The following FMN2 variants were observed in gnomAD, a reference collection of about 807,000 sequenced individuals.
The protein encoded by FMN2 is formin-2.
A neutral mutation model predicts 142.3 loss-of-function variants in FMN2; 51 were observed. That is an observed-to-expected ratio of 0.36 (90% CI 0.29 to 0.45). The LOEUF is 0.45. Ranked by LOEUF, FMN2 falls within the 20% of genes least tolerant of loss-of-function variation. The probability of loss-of-function intolerance (pLI) is 1.00; values close to 1 mark genes in which losing one functional copy is unlikely to be tolerated. For synonymous variants in FMN2, 882 were observed against 869.8 expected, an observed-to-expected ratio of 1.01 and a Z score of -0.25; for missense variants, 1,936 against 2,122.8, an observed-to-expected ratio of 0.91 and a Z score of 1.73.
chr1:240,092,759 T>A lies in FMN2; in HGVS notation c.650T>A (p.Leu217His), dbSNP rs1558289623. ...QQQQQQLQLQ[L>H]QQQQQQQQLQ... ...CAGCAGCAGCAGCTCCAGCTCCAGC[T>A]CCAGCAACAGCAGCAGCAGCAGCAG... Residue 217 changes from leucine (L) to histidine (H), a missense_variant, in exon 1 of 18, where the codon CTC (leucine) becomes CAC (histidine). Leu to His is a moderately conservative substitution (Grantham distance 99). This residue lies in a region of FMN2 where 751 missense variants were observed against 791.8 expected (regional missense o/e 0.95). Transcript: ENST00000319653. 4.3e-6 allele frequency: 7 copies of A among 1,611,412 alleles called. No individual in the cohort carries two copies. The highest frequency in any genetic ancestry group is 4.2e-6 in the Non-Finnish European group (5 of 1,179,178).
chr1:240,110,058 A>C (rs1388081634), intron 1 of FMN2, among the ~76,000 whole-genome samples: 1 of 151,632 alleles, frequency 6.6e-6, no homozygotes, highest in Non-Finnish European at 1.5e-5. Flanking sequence ...CTGCTTTTAA[A>C]ATGTTCCTTC....
chr1:240,291,240 A>G (rs1413505134), intron 7 of FMN2, among the ~76,000 whole-genome samples: 1 of 152,322 alleles, frequency 6.6e-6, no homozygotes, highest in Admixed American at 6.5e-5. Context: ...TGTGCAAAAA[A>G]GGTCTATAGT....
intron 17 of FMN2, 124 bp downstream of exon 17, chr1:240,472,577 G>A: frequency 1.7e-6 from 1 of 591,052 alleles, no homozygotes; most frequent in Non-Finnish European, 2.8e-6. Flanking sequence ...AGGAGCTTCT[G>A]ACTTCAAGAA....
chr1:240,225,276 G>GA (rs1179305346), intron 6 of FMN2, among the ~76,000 whole-genome samples: 1 of 152,162 alleles, frequency 6.6e-6, no homozygotes, highest in East Asian at 1.9e-4. Flanking sequence ...GAACATGGTA[G>GA]AAAAAATTGG....
At chr1:240,407,352 T>A (rs1279788597) in intron 15 of FMN2, among the ~76,000 whole-genome samples, 2 of 152,120 alleles carry the variant, frequency 1.3e-5, no homozygotes, top group Non-Finnish European at 2.9e-5. Flanking sequence ...TTGGCCAGGC[T>A]GTTCTCGAAC....
chr1:240,291,823 A>C (rs911659392), intron 7 of FMN2, among the ~76,000 whole-genome samples: 5 of 152,188 alleles, frequency 3.3e-5, no homozygotes, highest in Non-Finnish European at 7.3e-5. Context: ...GCTTCATAGC[A>C]AGGCTCACTT....
intron 6 of FMN2, among the ~76,000 whole-genome samples, chr1:240,225,914 A>G (rs1217720049): frequency 6.6e-6 from 1 of 152,200 alleles, no homozygotes; most frequent in Non-Finnish European, 1.5e-5. Context: ...ATGGGAAAAA[A>G]TTACTAGATG....
intron 15 of FMN2, among the ~76,000 whole-genome samples, chr1:240,415,061 G>A (rs975012303): frequency 2.0e-5 from 3 of 152,104 alleles, no homozygotes; most frequent in Admixed American, 6.6e-5. Context: ...TGACCACAAA[G>A]CATCCTATTC....
chr1:240,337,725 T>C (rs916330105), intron 13 of FMN2, among the ~76,000 whole-genome samples: 7 of 152,244 alleles, frequency 4.6e-5, no homozygotes, highest in African/African-American at 1.7e-4. Flanking sequence ...CACTTCTGTT[T>C]CTGCTTAGAG....
At position 240,148,180 on chromosome 1, in the gene FMN2, AGACAGAGACAGG is replaced by A. The variant is rs780637109; in HGVS notation, c.1782+24847_1782+24858del. On this transcript the variant is annotated intron_variant, in intron 2 of 17. Coordinates refer to ENST00000319653, the MANE Select transcript of FMN2 (RefSeq NM_020066.5). ...GAGAGACGGAGAGACACACGGAGAG[AGACAGAGACAGG>A]GACAGAGACAGAGAGAGAGAGACAG... Among the ~76,000 whole-genome samples the A allele has an allele frequency of 3.7e-3, 559 of 152,270 alleles. 1 individual carries two copies. Among genetic ancestry groups the A allele is most frequent in the Non-Finnish European group, 6.2e-3 (420 of 68,024 alleles).
At chr1:240,354,756 A>C (rs897787319) in intron 13 of FMN2, among the ~76,000 whole-genome samples, 1 of 152,220 alleles carries the variant, frequency 6.6e-6, no homozygotes, top group African/African-American at 2.4e-5. Context: ...TTATAAAAGA[A>C]AGAAAATATA....
At chr1:240,267,013 A>G (rs1362998377) in intron 7 of FMN2, among the ~76,000 whole-genome samples, 2 of 152,120 alleles carry the variant, frequency 1.3e-5, no homozygotes, top group Non-Finnish European at 2.9e-5. Flanking sequence ...AACCTAGGAA[A>G]TACCATTCGG....
At chr1:240,365,570 T>A (rs1017445170) in intron 14 of FMN2, among the ~76,000 whole-genome samples, 2 of 152,184 alleles carry the variant, frequency 1.3e-5, no homozygotes, top group Admixed American at 6.5e-5. Context: ...CATACACTAT[T>A]TATGTGAGAC....
chr1:240,095,386 T>TACACAC (rs59692947), intron 1 of FMN2, among the ~76,000 whole-genome samples: 56,924 of 149,602 alleles, frequency 0.38, 11,445 homozygotes, highest in Middle Eastern at 0.47. Flanking sequence ...TATATGTGCA[T>TACACAC]ACACACACAC....
intron 1 of FMN2, among the ~76,000 whole-genome samples, chr1:240,111,720 T>C (rs1045948222): frequency 3.9e-5 from 6 of 152,276 alleles, no homozygotes; most frequent in South Asian, 2.1e-4. Context: ...TAAGAATTTC[T>C]TAACCTCCTG....
chr1:240,274,340 A>C (rs962818663), intron 7 of FMN2, among the ~76,000 whole-genome samples: 2 of 152,048 alleles, frequency 1.3e-5, no homozygotes, highest in African/African-American at 2.4e-5. Flanking sequence ...GAACCTTGTA[A>C]ATATCTGAGG....
chr1:240,464,333 A>C (rs1041790152), intron 16 of FMN2, among the ~76,000 whole-genome samples: 4 of 151,346 alleles, frequency 2.6e-5, no homozygotes, highest in African/African-American at 9.8e-5. Flanking sequence ...ATCTTATAGA[A>C]TCTTTGACAG....
At chr1:240,231,636 C>A (rs2102847882) in intron 6 of FMN2, among the ~76,000 whole-genome samples, 1 of 152,304 alleles carries the variant, frequency 6.6e-6, no homozygotes, top group Non-Finnish European at 1.5e-5. Flanking sequence ...GTAGTAGGTA[C>A]AGTGGTGACT....
chr1:240,246,330 C>G (rs1668083532), intron 6 of FMN2, among the ~76,000 whole-genome samples: 2 of 152,180 alleles, frequency 1.3e-5, no homozygotes, highest in African/African-American at 4.8e-5. Flanking sequence ...CGCTGTGGAA[C>G]ATGGCTGTAA....
Sources: gnomAD v4.1 joint callset for allele counts (sites outside exome capture counted in the v4.1 genomes callset) on GRCh38, gnomAD v4.1.1 for gene constraint, gnomAD v4.1.1 regional missense constraint, MANE v1.5 for transcripts, NCBI Gene and HGNC (gene_info 2026-07-23, HGNC 2026-07-21) for gene names.